The following EXOC2 variants were observed in gnomAD, a reference collection of about 807,000 sequenced individuals.
EXOC2 encodes the protein SEC5-like 1.
EXOC2 carries 70 observed loss-of-function variants against 131.8 expected under a neutral mutation model. The ratio of observed to expected loss-of-function variants is 0.53; its 90% CI spans 0.44 to 0.65. The LOEUF (loss-of-function observed/expected upper bound fraction) is 0.65. Ranked by LOEUF, EXOC2 falls within the 30% of genes least tolerant of loss-of-function variation. The pLI, the probability that EXOC2 is intolerant of heterozygous loss-of-function variation, is 0.00. For synonymous variants in EXOC2, 411 were observed against 398.4 expected, an observed-to-expected ratio of 1.03 and a Z score of -0.38; for missense variants, 923 against 1,108.6, an observed-to-expected ratio of 0.83 and a Z score of 2.38.
At chr6:658,653 ATATATATATATATT>A (rs1561983295) in intron 1 of EXOC2, among the ~76,000 whole-genome samples, 1,148 of 77,204 alleles carry the variant, frequency 0.015, 15 homozygotes, top group African/African-American at 0.043. Flanking sequence ...TTTTATATAT[ATATATATATATATT>A]TTTTTTTTTT....
intron 1 of EXOC2, among the ~76,000 whole-genome samples, chr6:662,314 A>C (rs1001385496): frequency 6.6e-6 from 1 of 152,246 alleles, no homozygotes; most frequent in Non-Finnish European, 1.5e-5. Context: ...CTTAACAGAT[A>C]TATACAAAAC....
intron 1 of EXOC2, among the ~76,000 whole-genome samples, chr6:686,190 C>G (rs2127810631): frequency 6.6e-6 from 1 of 151,952 alleles, no homozygotes; most frequent in South Asian, 2.1e-4. Flanking sequence ...TCTCAAACTC[C>G]TGACCTCATG....
At chr6:540,387 G>A (rs1766740110) in intron 22 of EXOC2, among the ~76,000 whole-genome samples, 1 of 152,208 alleles carries the variant, frequency 6.6e-6, no homozygotes, top group Non-Finnish European at 1.5e-5. Context: ...TAATCGGAAA[G>A]ACACTGGAAA....
chr6:682,368 T>C (rs923575718), intron 1 of EXOC2, among the ~76,000 whole-genome samples: 5 of 151,364 alleles, frequency 3.3e-5, no homozygotes, highest in Non-Finnish European at 7.4e-5. Context: ...CCCGGCTAAT[T>C]TTTTTGTATT....
chr6:587,757 T>C (rs1367972692), intron 11 of EXOC2, among the ~76,000 whole-genome samples: 1 of 152,240 alleles, frequency 6.6e-6, no homozygotes, highest in Non-Finnish European at 1.5e-5. Context: ...TCAAGGGCAA[T>C]GCTATCGATG....
At chr6:610,500 A>T (rs1760659005) in intron 6 of EXOC2, among the ~76,000 whole-genome samples, 1 of 152,220 alleles carries the variant, frequency 6.6e-6, no homozygotes, top group Non-Finnish European at 1.5e-5. Flanking sequence ...CCAATCCGAA[A>T]ATCCAAAATG....
At chr6:574,219 G>A (rs1252866335) in intron 12 of EXOC2, among the ~76,000 whole-genome samples, 1 of 152,212 alleles carries the variant, frequency 6.6e-6, no homozygotes, top group Admixed American at 6.5e-5. Context: ...ACATGCTCAA[G>A]TGAAAGCATA....
At chr6:499,161 C>T (rs1329975045) in intron 24 of EXOC2, among the ~76,000 whole-genome samples, 2 of 152,150 alleles carry the variant, frequency 1.3e-5, no homozygotes, top group Non-Finnish European at 2.9e-5. Context: ...GGACAGGAAA[C>T]CACGCATCTG....
At chr6:554,491 A>T (rs1229275466) in intron 20 of EXOC2, among the ~76,000 whole-genome samples, 1 of 152,234 alleles carries the variant, frequency 6.6e-6, no homozygotes, top group Non-Finnish European at 1.5e-5. Context: ...AGCTAAAAAT[A>T]TGAAATCAAA....
At chr6:571,804 T>C (rs1481571255) in intron 13 of EXOC2, among the ~76,000 whole-genome samples, 1 of 152,110 alleles carries the variant, frequency 6.6e-6, no homozygotes, top group Non-Finnish European at 1.5e-5. Context: ...CCCACGGGGG[T>C]GCCCTTGGCA....
At chr6:540,562 C>A (rs1420901062) in intron 22 of EXOC2, among the ~76,000 whole-genome samples, 1 of 151,938 alleles carries the variant, frequency 6.6e-6, no homozygotes, top group Non-Finnish European at 1.5e-5. Flanking sequence ...AGATTAGACA[C>A]AACTGAAGAA....
chr6:583,888 G>A (rs959355520), intron 11 of EXOC2, among the ~76,000 whole-genome samples: 1 of 152,170 alleles, frequency 6.6e-6, no homozygotes, highest in Non-Finnish European at 1.5e-5. Flanking sequence ...AGGGCAAGAT[G>A]GAAAGAAACT....
chr6:525,440 A>G (rs904399198), intron 23 of EXOC2: 16 of 152,222 alleles, frequency 1.1e-4, no homozygotes, highest in South Asian at 6.2e-4. Flanking sequence ...CATGATGGCA[A>G]TAAGTCAGCA....
In EXOC2 at chr6:499,583, ATCTT is replaced by A; in HGVS notation, c.2436+58_2436+61del. On this transcript the variant is annotated intron_variant, in intron 24 of 27. Transcript: ENST00000230449. ...CCACCATAGAAATAATCAAATTTAC[ATCTT>A]TCTTTTTTCTTTTTTTTGGTTATCC... 8.6e-6 allele frequency: 12 copies of A among 1,401,152 alleles called. 1 individual carries two copies. The South Asian group carries it at 1.3e-4, about 16-fold the overall frequency. 86.8% of individuals were successfully genotyped at this position (1,401,152 alleles called of 1,614,324 possible). A position where few individuals can be genotyped will look rare whatever the true frequency, so the allele number is the denominator to read the frequency against.
In EXOC2 at chr6:570,194, C is replaced by T. The variant is rs1158947844; in HGVS notation, c.1443+2326G>A. Among the ~76,000 whole-genome samples the T allele has an allele frequency of 8.5e-4, 107 of 125,470 alleles. 1 individual carries two copies. The highest frequency in any genetic ancestry group is 3.1e-3 in the African/African-American group (98 of 31,682). 82.3% of individuals were successfully genotyped at this position (125,470 alleles called of 152,430 possible). A position where few individuals can be genotyped will look rare whatever the true frequency, so the allele number is the denominator to read the frequency against. ...TGTCGCCCAGGCTGGAGTGTGGTGGCGCGATCTCGGCTCACTGCAGGCTCC... is the reference window on the plus strand; with the variant it reads ...TGTCGCCCAGGCTGGAGTGTGGTGGTGCGATCTCGGCTCACTGCAGGCTCC... On this transcript the variant is annotated intron_variant, in intron 13 of 27. Transcript: ENST00000230449.
At chr6:541,559 G>A (rs557269944) in intron 22 of EXOC2, among the ~76,000 whole-genome samples, 3 of 134,934 alleles carry the variant, frequency 2.2e-5, no homozygotes, top group Admixed American at 7.9e-5. Flanking sequence ...TGACCATATC[G>A]CAGCTGAGGT....
Position 497,392 on chromosome 6 carries a change from G to A in EXOC2, c.2534C>T (p.Ser845Phe). The change falls in exon 25 of 28, where the codon TCC (serine) becomes TTC (phenylalanine). Residue 845 changes from serine to phenylalanine, a missense_variant. Physicochemically the swap from Ser to Phe is radical, Grantham distance 155. Transcript: ENST00000230449. ...CTGTAAAGCTCCATTTTTGCTGAAG[G>A]ATGAAACACACTGCATCAGTCGACT... ...ELSRLMQCVS[S>F]FSKNGALQAR... 6.2e-7 allele frequency: 1 copy of A among 1,613,794 alleles called. No homozygotes were observed. Among genetic ancestry groups the A allele is most frequent in the Non-Finnish European group, 8.5e-7 (1 of 1,179,876 alleles).
At chr6:585,707 TA>T (rs1759170429) in intron 11 of EXOC2, among the ~76,000 whole-genome samples, 2 of 152,228 alleles carry the variant, frequency 1.3e-5, no homozygotes, top group East Asian at 1.9e-4. Flanking sequence ...AAAGCAGACT[TA>T]AAAAAATATT....
chr6:549,382 C>G (rs115166060), intron 21 of EXOC2, 91 bp from the exon 22 acceptor site: 1 of 906,804 alleles, frequency 1.1e-6, no homozygotes, highest in African/African-American at 1.7e-5. Context: ...ATAATCTCTG[C>G]TCTTTAACGT....
Sources: gnomAD v4.1 joint callset for allele counts (sites outside exome capture counted in the v4.1 genomes callset) on GRCh38, gnomAD v4.1.1 for gene constraint, MANE v1.5 for transcripts, NCBI Gene and HGNC (gene_info 2026-07-23, HGNC 2026-07-21) for gene names.